SPECC1: variants seen among roughly 807,000 people sequenced by gnomAD.
The protein encoded by SPECC1 is sperm antigen with calponin homology and coiled-coil domains 1, also known as cytospin-B.
A neutral mutation model predicts 104.1 loss-of-function variants in SPECC1; 62 were observed. The observed-to-expected ratio is 0.60, with a 90% confidence interval of 0.49 to 0.74. The LOEUF is 0.74. SPECC1 is among the 30% of genes least tolerant of loss of function. The pLI, the probability that SPECC1 is intolerant of heterozygous loss-of-function variation, is 0.00. For missense variants in SPECC1, 1,306 were observed against 1,310.5 expected (o/e 1.00, Z 0.05); for synonymous variants, 513 against 501.6 (o/e 1.02, Z -0.30).
chr17:20,258,991 C>G lies in SPECC1; in HGVS notation c.2838-1201C>G, dbSNP rs191511232. ...TTCCAGCCCCTTGCATTGTGCAACA[C>G]ACATAGCATTTCACTTAGTAAAACT... On this transcript the variant is annotated intron_variant, in intron 11 of 14. Coordinates refer to ENST00000395527, the MANE Select transcript of SPECC1 (RefSeq NM_001243439.2). Among the ~76,000 whole-genome samples, 3 of 152,364 alleles carry G rather than the reference C, an allele frequency of 2.0e-5. No individual in the cohort carries two copies. In the East Asian group the frequency reaches 5.8e-4, roughly 29 times the overall value.
At chr17:20,153,588 G>A (rs1290771419) in intron 3 of SPECC1, among the ~76,000 whole-genome samples, 1 of 152,204 alleles carries the variant, frequency 6.6e-6, no homozygotes. Context: ...GTGATGAAAT[G>A]TGCAGGACTT....
chr17:20,295,494 C>T (rs1367204135), intron 12 of SPECC1, among the ~76,000 whole-genome samples: 1 of 152,126 alleles, frequency 6.6e-6, no homozygotes, highest in African/African-American at 2.4e-5. Flanking sequence ...GTGCATGTGT[C>T]TTTATAGCAG....
chr17:20,278,027 A>G (rs1158241844), intron 12 of SPECC1, among the ~76,000 whole-genome samples: 2 of 147,734 alleles, frequency 1.4e-5, no homozygotes, highest in African/African-American at 4.9e-5. Context: ...GCCTGCTACC[A>G]TGGCTTGAAA....
At chr17:20,028,277 TTC>T (rs66977328) in intron 1 of SPECC1, among the ~76,000 whole-genome samples, 1 of 123,920 alleles carries the variant, frequency 8.1e-6, no homozygotes, top group African/African-American at 3.1e-5. Context: ...CATTTTTTTT[TTC>T]ATGTGACTAT....
intron 1 of SPECC1, among the ~76,000 whole-genome samples, chr17:20,064,533 G>A (rs1212726904): frequency 6.6e-6 from 1 of 152,180 alleles, no homozygotes; most frequent in Admixed American, 6.5e-5. Context: ...GAAGCAGAGG[G>A]TGTTTAGTGC....
At chr17:20,120,112 G>A (rs1226611531) in intron 3 of SPECC1, among the ~76,000 whole-genome samples, 2 of 152,256 alleles carry the variant, frequency 1.3e-5, no homozygotes, top group Non-Finnish European at 2.9e-5. Context: ...GTACTGCCGG[G>A]TGGGGTGGCT....
At chr17:20,098,917 C>G (rs1189664327) in intron 2 of SPECC1, among the ~76,000 whole-genome samples, 1 of 152,178 alleles carries the variant, frequency 6.6e-6, no homozygotes, top group African/African-American at 2.4e-5. Context: ...CACCTGCTAC[C>G]TGGTAGGCAC....
At chr17:20,018,309 C>T (rs1043023297) in intron 1 of SPECC1, among the ~76,000 whole-genome samples, 1 of 152,200 alleles carries the variant, frequency 6.6e-6, no homozygotes, top group African/African-American at 2.4e-5. Flanking sequence ...CTCTTGTTTT[C>T]CAGGTTTCTT....
Position 20,263,345 on chromosome 17 carries a change from A to G in SPECC1, c.2940+3051A>G, listed in dbSNP as rs188633484. ...GTGAACACTTGGACACAGGAAGGGG[A>G]ACATCACACACGGGGGCCTGTTGTG... On this transcript the variant is annotated intron_variant, in intron 12 of 14. Transcript: ENST00000395527. Among the ~76,000 whole-genome samples, 750 of 140,980 alleles carry G rather than the reference A, an allele frequency of 5.3e-3. 5 individuals carry two copies. The highest frequency in any genetic ancestry group is 0.019 in the African/African-American group (713 of 38,428). 92.5% of individuals were successfully genotyped at this position (140,980 alleles called of 152,430 possible).
intron 1 of SPECC1, among the ~76,000 whole-genome samples, chr17:20,037,855 G>T (rs756238284): frequency 1.3e-5 from 2 of 152,044 alleles, no homozygotes; most frequent in African/African-American, 4.8e-5. Flanking sequence ...TTAAGGAAGG[G>T]TATAATTACC....
At chr17:20,048,345 G>A (rs1288179392) in intron 1 of SPECC1, among the ~76,000 whole-genome samples, 1 of 152,016 alleles carries the variant, frequency 6.6e-6, no homozygotes, top group East Asian at 1.9e-4. Flanking sequence ...GTGTTAGCCA[G>A]TATGGTCTCA....
At chr17:20,308,944 AAATAT>A (rs2041852610) in intron 14 of SPECC1, among the ~76,000 whole-genome samples, 1 of 152,328 alleles carries the variant, frequency 6.6e-6, no homozygotes, top group African/African-American at 2.4e-5. Flanking sequence ...ACTTCTGTTT[AAATAT>A]AATATCTTTT....
At chr17:20,247,653 C>T (rs75081571) in intron 9 of SPECC1, among the ~76,000 whole-genome samples, 3,113 of 152,202 alleles carry the variant, frequency 0.02, 83 homozygotes, top group East Asian at 0.085. Context: ...AGAAACGATT[C>T]TTTTTATAAA....
chr17:20,074,271 C>A (rs762673262), intron 1 of SPECC1, among the ~76,000 whole-genome samples: 13 of 152,070 alleles, frequency 8.5e-5, no homozygotes, highest in Non-Finnish European at 1.5e-5. Context: ...AACATCTGGG[C>A]AATACATACA....
intron 4 of SPECC1, among the ~76,000 whole-genome samples, chr17:20,213,515 C>T (rs991183653): frequency 6.6e-6 from 1 of 152,122 alleles, no homozygotes; most frequent in African/African-American, 2.4e-5. Context: ...AGGCCAAAGC[C>T]CTTTGAAGAA....
chr17:20,022,185 C>T (rs560214869), intron 1 of SPECC1, among the ~76,000 whole-genome samples: 253 of 152,182 alleles, frequency 1.7e-3, no homozygotes, highest in Non-Finnish European at 3.1e-3. Flanking sequence ...TCATGATCCG[C>T]CCGCCTCGGC....
chr17:20,248,878 C>T (rs1269664648), intron 9 of SPECC1, among the ~76,000 whole-genome samples: 1 of 151,916 alleles, frequency 6.6e-6, no homozygotes, highest in African/African-American at 2.4e-5. Context: ...TGTTTTGTTT[C>T]CTGCCTTAAA....
intron 1 of SPECC1, among the ~76,000 whole-genome samples, chr17:20,061,892 T>C (rs1364375477): frequency 6.6e-6 from 1 of 152,228 alleles, no homozygotes; most frequent in African/African-American, 2.4e-5. Flanking sequence ...CTTTGCTACT[T>C]ACTTTTCTAT....
chr17:20,162,235 T>G (rs536722385), intron 3 of SPECC1, among the ~76,000 whole-genome samples: 226 of 152,180 alleles, frequency 1.5e-3, no homozygotes, highest in Middle Eastern at 6.8e-3. Flanking sequence ...AAGCTCCACC[T>G]CCCGGGTTCA....
Sources: gnomAD v4.1 joint callset for allele counts (sites outside exome capture counted in the v4.1 genomes callset) on GRCh38, gnomAD v4.1.1 for gene constraint, MANE v1.5 for transcripts, NCBI Gene and HGNC (gene_info 2026-07-23, HGNC 2026-07-21) for gene names.